Variants in ANKFN1 observed in about 807,000 individuals in gnomAD.
The protein encoded by ANKFN1 is ankyrin repeat and fibronectin type III domain containing 1.
Under a neutral mutation model 108.7 loss-of-function variants are expected in ANKFN1, and 74 were observed. The ratio of observed to expected loss-of-function variants is 0.68; its 90% CI spans 0.56 to 0.83. ANKFN1 has a LOEUF of 0.83. Ranked by LOEUF, ANKFN1 falls within the 40% of genes least tolerant of loss-of-function variation. The probability of loss-of-function intolerance (pLI) is 0.00; values close to 1 mark genes in which losing one functional copy is unlikely to be tolerated. For synonymous variants in ANKFN1, 547 were observed against 516.2 expected (o/e 1.06, Z -0.81); for missense variants, 1,505 against 1,382.3 (o/e 1.09, Z -1.41).
intron 19 of ANKFN1, among the ~76,000 whole-genome samples, chr17:56,497,884 G>C (rs2051250655): frequency 6.6e-6 from 1 of 151,998 alleles, no homozygotes; most frequent in South Asian, 2.1e-4. Flanking sequence ...ACAAATTCCA[G>C]GGTCATAAGA....
intron 18 of ANKFN1, among the ~76,000 whole-genome samples, chr17:56,483,916 T>C (rs1363900861): frequency 6.6e-6 from 1 of 152,026 alleles, no homozygotes; most frequent in Admixed American, 6.6e-5. Flanking sequence ...AAAATGAGAA[T>C]ACAAATTATT....
chr17:56,391,321 CAT>C (rs779025797), intron 8 of ANKFN1, among the ~76,000 whole-genome samples: 26 of 119,936 alleles, frequency 2.2e-4, no homozygotes, highest in South Asian at 7.8e-4. Flanking sequence ...TGTGTGTGTA[CAT>C]ATATATATAT....
chr17:56,087,690 CAG>C lies in ANKFN1; in HGVS notation c.288+41368_288+41369del, dbSNP rs1014853168. 5.9e-5 allele frequency among the ~76,000 whole-genome samples: 9 copies of C among 151,376 alleles called. 1 individual carries two copies. The highest frequency in any genetic ancestry group is 1.9e-4 in the African/African-American group (8 of 41,236). On this transcript the variant is annotated intron_variant, in intron 4 of 12. Coordinates refer to the ANKFN1 transcript ENST00000635860. Reference sequence around the variant, plus strand: ...GGACGTTCTGCTAGTTCTTCTAAAACAGAGGTTGGCAAAGCACAGCCACTGAT... The same window carrying C: ...GGACGTTCTGCTAGTTCTTCTAAAACAGGTTGGCAAAGCACAGCCACTGAT...
chr17:56,137,475 C>A (rs924996426), intron 4 of ANKFN1, among the ~76,000 whole-genome samples: 2 of 152,154 alleles, frequency 1.3e-5, no homozygotes, highest in Non-Finnish European at 2.9e-5. Context: ...CCATTTCAAG[C>A]CTTTCTTGCT....
upstream of ANKFN1, among the ~76,000 whole-genome samples, chr17:56,149,591 T>G (rs1220905844): frequency 6.6e-6 from 1 of 152,216 alleles, no homozygotes; most frequent in Non-Finnish European, 1.5e-5. Context: ...CATGCACTTG[T>G]GCCAGTGCCT....
At chr17:56,322,487 A>T (rs2045400049) in intron 3 of ANKFN1, among the ~76,000 whole-genome samples, 2 of 152,174 alleles carry the variant, frequency 1.3e-5, no homozygotes, top group East Asian at 3.9e-4. Context: ...CTATGGCATA[A>T]CATCCAAACT....
At chr17:56,154,859 A>G (rs1018917630) in intron 1 of ANKFN1, among the ~76,000 whole-genome samples, 4 of 149,202 alleles carry the variant, frequency 2.7e-5, no homozygotes, top group African/African-American at 9.9e-5. Flanking sequence ...TAGAGCTAGG[A>G]CTAGTCTTGT....
intron 1 of ANKFN1, among the ~76,000 whole-genome samples, chr17:56,198,762 T>C (rs1913763573): frequency 6.6e-6 from 1 of 152,190 alleles, no homozygotes; most frequent in African/African-American, 2.4e-5. Context: ...CCATGTTGTG[T>C]AAGGAGATGT....
At position 56,349,592 on chromosome 17, in the gene ANKFN1, T is replaced by A. The variant is rs955280461; in HGVS notation, c.189-1174T>A. ...CATATGTGCACTCATTTATTCTAAA[T>A]TATCTATTGAAAGCCTACAACAACA... On this transcript the variant is annotated intron_variant, in intron 4 of 20. Transcript: ENST00000682825. Among the ~76,000 whole-genome samples, 3 of 152,110 alleles carry A rather than the reference T, an allele frequency of 2.0e-5. No individual in the cohort carries two copies. The South Asian group carries it at 6.2e-4, about 31-fold the overall frequency.
chr17:56,447,148 G>A (rs1299019277), intron 10 of ANKFN1, among the ~76,000 whole-genome samples: 1 of 151,946 alleles, frequency 6.6e-6, no homozygotes, highest in Admixed American at 6.5e-5. Flanking sequence ...ACTTGAACCT[G>A]GGAGGCAAAG....
chr17:56,326,100 C>A, intron 3 of ANKFN1, 121 bp from the exon 4 acceptor site: 3 of 1,371,434 alleles, frequency 2.2e-6, no homozygotes, highest in Non-Finnish European at 2.9e-6. Context: ...AAGCTGTTTA[C>A]TTCTCCCTTT....
intron 4 of ANKFN1, among the ~76,000 whole-genome samples, chr17:56,060,992 A>T (rs968515375): frequency 6.6e-6 from 1 of 152,302 alleles, no homozygotes; most frequent in South Asian, 2.1e-4. Flanking sequence ...TGTTTGGAAT[A>T]GTTTCAGAAG....
At chr17:56,211,877 G>C (rs965720962) in intron 1 of ANKFN1, among the ~76,000 whole-genome samples, 3 of 152,034 alleles carry the variant, frequency 2.0e-5, no homozygotes, top group African/African-American at 4.8e-5. Context: ...AAAAGGGGTT[G>C]AGTTCTTGAT....
rs751346177 is a variant in ANKFN1 at position 56,255,149 on chromosome 17, C to G, written c.53+27192C>G. 2.5e-4 allele frequency among the ~76,000 whole-genome samples: 38 copies of G among 152,202 alleles called. 1 individual carries two copies. Among genetic ancestry groups the G allele is most frequent in the Admixed American group, 6.5e-4 (10 of 15,292 alleles). ...TGACCATGGCCTTGCAACTCTTGGA[C>G]GATTCCCTTTTATGCCAGCCCTGTG... On this transcript the variant is annotated intron_variant, in intron 3 of 20. Transcript: ENST00000682825.
intron 15 of ANKFN1, 130 bp downstream of exon 15, chr17:56,466,701 G>A (rs190942260): frequency 4.3e-4 from 323 of 749,436 alleles, no homozygotes; most frequent in Middle Eastern, 7.9e-4. Context: ...GAGATATGTT[G>A]TTGCAAATGC....
chr17:56,076,284 AC>A (rs2143151783), intron 4 of ANKFN1, among the ~76,000 whole-genome samples: 1 of 152,338 alleles, frequency 6.6e-6, no homozygotes, highest in Non-Finnish European at 1.5e-5. Flanking sequence ...CTGCTACTAT[AC>A]CAGAGATGGG....
upstream of ANKFN1, among the ~76,000 whole-genome samples, chr17:56,148,990 G>A (rs1385811854): frequency 6.6e-6 from 1 of 152,202 alleles, no homozygotes; most frequent in Non-Finnish European, 1.5e-5. Context: ...GCAGGCAAGA[G>A]AGGTTATATA....
At chr17:56,282,546 C>T (rs1299411770) in intron 3 of ANKFN1, among the ~76,000 whole-genome samples, 1 of 152,146 alleles carries the variant, frequency 6.6e-6, no homozygotes, top group Non-Finnish European at 1.5e-5. Flanking sequence ...TTTTTGAAGT[C>T]TCTCATGACA....
intron 9 of ANKFN1, among the ~76,000 whole-genome samples, chr17:56,442,305 G>A (rs973808693): frequency 3.3e-5 from 5 of 152,140 alleles, no homozygotes; most frequent in African/African-American, 4.8e-5. Flanking sequence ...ACATGATACC[G>A]AATATTTGCT....
Sources: gnomAD v4.1 joint callset for allele counts (sites outside exome capture counted in the v4.1 genomes callset) on GRCh38, gnomAD v4.1.1 for gene constraint, MANE v1.5 for transcripts, NCBI Gene and HGNC (gene_info 2026-07-23, HGNC 2026-07-21) for gene names.